The following INSYN2B variants were observed in gnomAD, a reference collection of about 807,000 sequenced individuals.
INSYN2B encodes the protein inhibitory synaptic factor family member 2B.
Under a neutral mutation model 41.2 loss-of-function variants are expected in INSYN2B, and 16 were observed. The ratio of observed to expected loss-of-function variants is 0.39; its 90% CI spans 0.26 to 0.59. The LOEUF is 0.59. Among genes scored for constraint, INSYN2B ranks in the 20% least tolerant of loss-of-function variants. The probability of loss-of-function intolerance (pLI) is 0.57; values close to 1 mark genes in which losing one functional copy is unlikely to be tolerated. For missense variants in INSYN2B, 608 were observed against 646.4 expected (o/e 0.94, Z 0.64); for synonymous variants, 245 against 244.4 (o/e 1.00, Z -0.02).
At chr5:169,940,620 T>G (rs1359143312) in intron 1 of INSYN2B, among the ~76,000 whole-genome samples, 1 of 152,200 alleles carries the variant, frequency 6.6e-6, no homozygotes, top group Non-Finnish European at 1.5e-5. Context: ...TCATTAGGCA[T>G]TAGATTCTCA....
chr5:169,973,740 G>A (rs1777609873), intron 1 of INSYN2B, among the ~76,000 whole-genome samples: 2 of 152,164 alleles, frequency 1.3e-5, no homozygotes, highest in African/African-American at 4.8e-5. Context: ...AACAGGAGGG[G>A]TGTCCTCAGC....
At chr5:169,881,119 C>T (rs1310622824) in intron 3 of INSYN2B, among the ~76,000 whole-genome samples, 1 of 152,148 alleles carries the variant, frequency 6.6e-6, no homozygotes, top group Non-Finnish European at 1.5e-5. Context: ...ATGTGCATGC[C>T]AAGCTTACCA....
chr5:169,962,950 G>A (rs1447622320), intron 1 of INSYN2B, among the ~76,000 whole-genome samples: 1 of 152,202 alleles, frequency 6.6e-6, no homozygotes, highest in African/African-American at 2.4e-5. Flanking sequence ...TATAGGATGG[G>A]AAGTGGAAGG....
At chr5:169,935,265 T>C (rs1411959674) in intron 1 of INSYN2B, among the ~76,000 whole-genome samples, 1 of 152,108 alleles carries the variant, frequency 6.6e-6, no homozygotes, top group Non-Finnish European at 1.5e-5. Context: ...ATCCTCTCTT[T>C]TGTACATTAT....
intron 1 of INSYN2B, among the ~76,000 whole-genome samples, chr5:169,919,589 A>G (rs953042298): frequency 2.0e-5 from 3 of 152,182 alleles, no homozygotes; most frequent in Admixed American, 2.0e-4. Context: ...AATGGTTTGA[A>G]GAAGTGGTAA....
chr5:169,903,312 A>G (rs934323020), intron 1 of INSYN2B, among the ~76,000 whole-genome samples: 2 of 26,942 alleles, frequency 7.4e-5, no homozygotes, highest in Non-Finnish European at 2.1e-4. Flanking sequence ...CAACAACAAT[A>G]AAAAAAAAAA....
chr5:169,958,568 T>C (rs113017137), intron 1 of INSYN2B, among the ~76,000 whole-genome samples: 1,704 of 128,372 alleles, frequency 0.013, 39 homozygotes, highest in Non-Finnish European at 0.012. Context: ...AAAGGGGTGC[T>C]TTCTTTTCCT....
At chr5:169,939,808 A>G (rs1776160069) in intron 1 of INSYN2B, among the ~76,000 whole-genome samples, 2 of 152,214 alleles carry the variant, frequency 1.3e-5, no homozygotes, top group Non-Finnish European at 2.9e-5. Context: ...AAAGGTAAAA[A>G]AAGTCAACCT....
chr5:169,927,702 C>A (rs550361169), intron 1 of INSYN2B, among the ~76,000 whole-genome samples: 2 of 152,212 alleles, frequency 1.3e-5, no homozygotes, highest in Non-Finnish European at 2.9e-5. Flanking sequence ...CTGCAAGCTC[C>A]GCTTCCCGAG....
At chr5:169,917,589 G>T in intron 1 of INSYN2B, among the ~76,000 whole-genome samples, 1 of 152,182 alleles carries the variant, frequency 6.6e-6, no homozygotes, top group East Asian at 1.9e-4. Context: ...GTTTGTTGAT[G>T]ATTTTCTAAT....
chr5:169,922,521 C>T (rs1775229736), intron 1 of INSYN2B, among the ~76,000 whole-genome samples: 1 of 152,168 alleles, frequency 6.6e-6, no homozygotes. Context: ...TAGATCTTGG[C>T]CATCACCTTT....
At position 169,957,652 on chromosome 5, in the gene INSYN2B, C is replaced by T. The variant is rs188978346; in HGVS notation, c.-919+22625G>A. On this transcript the variant is annotated intron_variant, in intron 1 of 3. Transcript: ENST00000377365. ...GTAATGAGACACTAGAGGCAATGCG[C>T]GAGGAAGCCTCAGGAATATTTGGAA... 3.4e-3 allele frequency among the ~76,000 whole-genome samples: 511 copies of T among 152,238 alleles called. 2 individuals carry two copies. The highest frequency in any genetic ancestry group is 6.0e-3 in the Non-Finnish European group (410 of 67,998).
In INSYN2B at chr5:169,889,325, C is replaced by T. The variant is rs374641075; in HGVS notation, c.-918-4509G>A. On this transcript the variant is annotated intron_variant, in intron 1 of 3. Coordinates refer to ENST00000377365, the MANE Select transcript of INSYN2B (RefSeq NM_001129891.3). ...TAGTCTACTATGCTTTCTCTATTTACGGCAGCTTTAATTTGGTTAAACTTT... is the reference window on the plus strand; with the variant it reads ...TAGTCTACTATGCTTTCTCTATTTATGGCAGCTTTAATTTGGTTAAACTTT... Among the ~76,000 whole-genome samples, 43 of 152,186 alleles carry T rather than the reference C, an allele frequency of 2.8e-4. No homozygotes were observed. In the East Asian group the frequency reaches 6.0e-3, roughly 21 times the overall value.
chr5:169,919,247 C>T (rs940218408), intron 1 of INSYN2B, among the ~76,000 whole-genome samples: 1 of 152,290 alleles, frequency 6.6e-6, no homozygotes, highest in South Asian at 2.1e-4. Context: ...CAGGGTCACA[C>T]CATCGATATG....
intron 3 of INSYN2B, among the ~76,000 whole-genome samples, chr5:169,873,526 A>AT (rs1772117145): frequency 6.6e-6 from 1 of 152,114 alleles, no homozygotes; most frequent in Admixed American, 6.5e-5. Context: ...CTTTATCATT[A>AT]TTTTTTACTG....
chr5:169,972,586 T>TGACA (rs1554122915), intron 1 of INSYN2B, among the ~76,000 whole-genome samples: 1 of 68,956 alleles, frequency 1.5e-5, no homozygotes, highest in Non-Finnish European at 2.9e-5. Context: ...GATAGATAGA[T>TGACA]GATAGATAGA....
rs1174183708 is a variant in INSYN2B at position 169,978,389 on chromosome 5, GT to G, written c.-919+1887del. Among the ~76,000 whole-genome samples, 214 of 57,386 alleles carry G rather than the reference GT, an allele frequency of 3.7e-3. 19 individuals are homozygous for G. The highest frequency in any genetic ancestry group is 6.3e-3 in the Non-Finnish European group (163 of 26,038). The allele number at this position is 57,386 out of a possible 152,430, so 37.6% of individuals were successfully genotyped here. A position where few individuals can be genotyped will look rare whatever the true frequency, so the allele number is the denominator to read the frequency against. On this transcript the variant is annotated intron_variant, in intron 1 of 3. Transcript: ENST00000377365. ...TGGCTCTGTGTATGTGTGTGTGTGT[GT>G]GTGGGGGGGGGGGGGTGTAGGTGTG...
intron 1 of INSYN2B, among the ~76,000 whole-genome samples, chr5:169,899,742 C>T (rs1186554049): frequency 6.6e-6 from 1 of 152,180 alleles, no homozygotes; most frequent in African/African-American, 2.4e-5. Context: ...TCCTTGTTGG[C>T]ATACAAAGAC....
chr5:169,878,367 G>A (rs1390712095), intron 3 of INSYN2B, among the ~76,000 whole-genome samples: 1 of 152,142 alleles, frequency 6.6e-6, no homozygotes. Context: ...TTAAAAACAT[G>A]TTTTATGTAA....
Sources: gnomAD v4.1 joint callset for allele counts (sites outside exome capture counted in the v4.1 genomes callset) on GRCh38, gnomAD v4.1.1 for gene constraint, MANE v1.5 for transcripts, NCBI Gene and HGNC (gene_info 2026-07-23, HGNC 2026-07-21) for gene names.